The following PHACTR1 variants were observed in gnomAD, a reference collection of about 807,000 sequenced individuals.
PHACTR1 encodes the protein phosphatase and actin regulator 1.
In PHACTR1, 16 loss-of-function variants were observed where a neutral mutation model predicts 69.2. The ratio of observed to expected loss-of-function variants is 0.23; its 90% confidence interval spans 0.16 to 0.35. The LOEUF is 0.35. Ranked by LOEUF, PHACTR1 falls within the 10% of genes least tolerant of loss-of-function variation. PHACTR1 has a pLI of 1.00. For missense variants in PHACTR1, 510 were observed against 734.7 expected (o/e 0.69, Z 3.54); for synonymous variants, 312 against 284.5 (o/e 1.10, Z -0.97).
chr6:12,869,551 C>T (rs1442063099), intron 4 of PHACTR1, among the ~76,000 whole-genome samples: 1 of 152,148 alleles, frequency 6.6e-6, no homozygotes, highest in Non-Finnish European at 1.5e-5. Context: ...TTGCACCTTC[C>T]CCTGATGATC....
intron 10 of PHACTR1, among the ~76,000 whole-genome samples, chr6:13,249,479 G>A (rs750312970): frequency 1.1e-4 from 17 of 152,106 alleles, no homozygotes; most frequent in Non-Finnish European, 2.5e-4. Flanking sequence ...CATTTTTCTG[G>A]TCAGGGGTAT....
intron 4 of PHACTR1, among the ~76,000 whole-genome samples, chr6:12,916,745 C>G (rs2127503958): frequency 6.6e-6 from 1 of 152,160 alleles, no homozygotes; most frequent in Admixed American, 6.5e-5. Flanking sequence ...AAAAATAGAT[C>G]AAAATTAAAA....
intron 5 of PHACTR1, among the ~76,000 whole-genome samples, chr6:13,113,222 A>T (rs753664341): frequency 6.6e-6 from 1 of 152,194 alleles, no homozygotes; most frequent in Non-Finnish European, 1.5e-5. Flanking sequence ...AAAAAAACTT[A>T]GATGAAATAA....
At chr6:12,955,904 A>AC (rs1791841691) in intron 4 of PHACTR1, among the ~76,000 whole-genome samples, 1 of 152,126 alleles carries the variant, frequency 6.6e-6, no homozygotes, top group Non-Finnish European at 1.5e-5. Context: ...AACAGTCATT[A>AC]CCCCATGCTG....
At chr6:13,069,184 GTTAAA>G (rs1388659064) in intron 5 of PHACTR1, among the ~76,000 whole-genome samples, 5 of 152,154 alleles carry the variant, frequency 3.3e-5, no homozygotes, top group Admixed American at 3.3e-4. Context: ...TACCATCTCA[GTTAAA>G]TTAATTAATG....
At chr6:13,022,485 G>C (rs929636999) in intron 4 of PHACTR1, among the ~76,000 whole-genome samples, 1 of 152,280 alleles carries the variant, frequency 6.6e-6, no homozygotes, top group Middle Eastern at 3.4e-3. Flanking sequence ...CATGACACAA[G>C]ATACTTATAC....
chr6:13,121,149 C>T (rs553571342), intron 5 of PHACTR1, among the ~76,000 whole-genome samples: 111 of 152,208 alleles, frequency 7.3e-4, no homozygotes, highest in African/African-American at 2.5e-3. Flanking sequence ...GAGATGGATG[C>T]GTTTTCCAGA....
Position 13,041,360 on chromosome 6 carries a change from A to ACG in PHACTR1, c.251-12004_251-12003insGC, listed in dbSNP as rs1364385122. 6.9e-3 allele frequency among the ~76,000 whole-genome samples: 1,041 copies of ACG among 151,654 alleles called. 10 individuals are homozygous for ACG. Among genetic ancestry groups the ACG allele is most frequent in the African/African-American group, 0.024 (995 of 41,350 alleles). On this transcript the variant is annotated intron_variant, in intron 4 of 14. Coordinates refer to ENST00000332995, the MANE Select transcript of PHACTR1 (RefSeq NM_030948.6). The stretch of plus-strand genomic sequence containing the variant: ...TACATACACACACACACACACACAC[A>ACG]CACACACACACACACACACAGAAGA...
At chr6:13,005,175 A>ATC (rs1261119746) in intron 4 of PHACTR1, among the ~76,000 whole-genome samples, 2 of 149,890 alleles carry the variant, frequency 1.3e-5, no homozygotes, top group Admixed American at 6.6e-5. Flanking sequence ...GGTTTTTAAA[A>ATC]TCTCTCTCTC....
chr6:13,097,707 C>T (rs1814502286), intron 5 of PHACTR1, among the ~76,000 whole-genome samples: 1 of 152,160 alleles, frequency 6.6e-6, no homozygotes, highest in Admixed American at 6.5e-5. Flanking sequence ...ACCACTTTAG[C>T]CATCCTATTA....
chr6:12,816,576 C>G (rs1028140516), intron 4 of PHACTR1, among the ~76,000 whole-genome samples: 18 of 152,340 alleles, frequency 1.2e-4, no homozygotes, highest in African/African-American at 4.3e-4. Context: ...ACTGAAATCA[C>G]AGCTTATACC....
intron 3 of PHACTR1, among the ~76,000 whole-genome samples, chr6:12,724,614 C>T (rs566190130): frequency 6.6e-6 from 1 of 152,182 alleles, no homozygotes; most frequent in African/African-American, 2.4e-5. Context: ...GAGGCAACCT[C>T]TCATCTAGTT....
chr6:12,977,980 T>C (rs1024908584), intron 4 of PHACTR1, among the ~76,000 whole-genome samples: 8 of 152,338 alleles, frequency 5.3e-5, no homozygotes, highest in Admixed American at 5.2e-4. Context: ...CATATGTGCA[T>C]GTGAACACGT....
chr6:12,747,149 T>C (rs190767158), intron 3 of PHACTR1, among the ~76,000 whole-genome samples: 470 of 152,300 alleles, frequency 3.1e-3, no homozygotes, highest in Non-Finnish European at 5.4e-3. Flanking sequence ...GAGGCATATG[T>C]CATAGAACAG....
intron 5 of PHACTR1, among the ~76,000 whole-genome samples, chr6:13,158,508 T>C (rs555077572): frequency 1.3e-5 from 2 of 152,338 alleles, no homozygotes; most frequent in African/African-American, 4.8e-5. Context: ...CATTTATTTT[T>C]CTCCCTCATA....
intron 4 of PHACTR1, among the ~76,000 whole-genome samples, chr6:12,792,490 A>AAAAAAAAAAG (rs1772441336): frequency 6.8e-6 from 1 of 146,574 alleles, no homozygotes; most frequent in East Asian, 1.9e-4. Context: ...AAAAAAAAAA[A>AAAAAAAAAAG]AAAGAAGATT....
chr6:13,198,223 A>G (rs111993190), intron 7 of PHACTR1, among the ~76,000 whole-genome samples: 62 of 152,346 alleles, frequency 4.1e-4, no homozygotes, highest in African/African-American at 1.5e-3. Context: ...TACATCACAC[A>G]TAGCCCTTGC....
chr6:13,235,838 C>A (rs1350708364), intron 10 of PHACTR1, among the ~76,000 whole-genome samples: 2 of 152,160 alleles, frequency 1.3e-5, no homozygotes, highest in East Asian at 3.9e-4. Flanking sequence ...GATCGACTGG[C>A]CCAGTCCTCT....
At chr6:12,878,373 A>G (rs1212383977) in intron 4 of PHACTR1, among the ~76,000 whole-genome samples, 6 of 152,230 alleles carry the variant, frequency 3.9e-5, no homozygotes, top group Admixed American at 1.3e-4. Context: ...GGGGCTTACA[A>G]TCCCCAGCTT....
Sources: allele counts gnomAD v4.1 joint callset (sites outside exome capture counted in the v4.1 genomes callset), GRCh38; gene constraint gnomAD v4.1.1; transcripts MANE v1.5; gene names NCBI Gene and HGNC (gene_info 2026-07-23, HGNC 2026-07-21).